Variants in CBFA2T3 observed in about 807,000 individuals in gnomAD.
CBFA2T3 encodes transcriptional corepressor CBFA2T3.
Under a neutral mutation model 58.6 loss-of-function variants are expected in CBFA2T3, and 31 were observed. The observed-to-expected ratio is 0.53, with a 90% CI of 0.40 to 0.71. CBFA2T3 has a LOEUF of 0.71. Among genes scored for constraint, CBFA2T3 ranks in the 30% least tolerant of loss-of-function variants. The pLI, the probability that CBFA2T3 is intolerant of heterozygous loss-of-function variation, is 0.00. For synonymous variants in CBFA2T3, 531 were observed against 421.9 expected (o/e 1.26, Z -3.17); for missense variants, 1,076 against 963.1 (o/e 1.12, Z -1.55).
Position 88,885,409 on chromosome 16 carries a change from C to G in CBFA2T3, c.894-140G>C, listed in dbSNP as rs1287781308. 3.5e-6 allele frequency: 2 copies of G among 571,268 alleles called. No homozygotes were observed. The highest frequency in any genetic ancestry group is 5.7e-6 in the Non-Finnish European group (2 of 349,470). The allele number at this position is 571,268 out of a possible 1,614,324, so 35.4% of individuals were successfully genotyped here. A position where few individuals can be genotyped will look rare whatever the true frequency, so the allele number is the denominator to read the frequency against. Reference sequence around the variant, plus strand: ...GGCGAGACAGAAACACGGAGCAAAACACCAGCCCCGGGAAGCCCAGCCCGG... The same window carrying G: ...GGCGAGACAGAAACACGGAGCAAAAGACCAGCCCCGGGAAGCCCAGCCCGG... On this transcript the variant is annotated intron_variant, in intron 6 of 11. Coordinates refer to ENST00000268679, the MANE Select transcript of CBFA2T3 (RefSeq NM_005187.6). This position sits in a 1 kb window ranked among gnomAD's most constrained non-coding sequence, Gnocchi z 5.3.
intron 4 of CBFA2T3, 107 bp downstream of exon 4, chr16:88,892,137 C>T: frequency 6.9e-7 from 1 of 1,456,048 alleles, no homozygotes; most frequent in Admixed American, 1.8e-5. Context: ...CGGGTCCACG[C>T]CCGGTTGTCA....
At position 88,875,690 on chromosome 16, in the gene CBFA2T3, A is replaced by G; in HGVS notation, c.*1286T>C. 4.3e-6 allele frequency: 1 copy of G among 233,610 alleles called. No homozygotes were observed. Among genetic ancestry groups the G allele is most frequent in the East Asian group, 6.0e-5 (1 of 16,592 alleles). The allele number at this position is 233,610 out of a possible 1,614,324, so 14.5% of individuals were successfully genotyped here. On this transcript the variant is annotated 3_prime_UTR_variant, in exon 12 of 12. Transcript: ENST00000268679. Reference sequence around the variant, plus strand: ...GTAGAGGAGGACGGGCTGGCCGAGAAGCAGTGTTTCAGGGAGGCCTGCTGG... The same window carrying G: ...GTAGAGGAGGACGGGCTGGCCGAGAGGCAGTGTTTCAGGGAGGCCTGCTGG...
intron 5 of CBFA2T3, among the ~76,000 whole-genome samples, chr16:88,889,498 A>T (rs11641997): frequency 2.6e-5 from 4 of 151,672 alleles, no homozygotes; most frequent in Admixed American, 6.6e-5. Context: ...TGACCCTGTA[A>T]GTGCCCTGGG....
intron 1 of CBFA2T3, among the ~76,000 whole-genome samples, chr16:88,952,497 A>G (rs1225621385): frequency 6.6e-6 from 1 of 151,956 alleles, no homozygotes; most frequent in Non-Finnish European, 1.5e-5. Context: ...CCCACGGGGC[A>G]CCGAGACGGC....
rs182574906 is a variant in CBFA2T3 at position 88,916,677 on chromosome 16, C to T, written c.152-15021G>A. ...GGTGGGGAAGGGGGATGGGGGGCTC[C>T]TTTGCCTTCCCTCCTTGCCTCCCAG... On this transcript the variant is annotated intron_variant, in intron 1 of 11. Coordinates refer to ENST00000268679, the MANE Select transcript of CBFA2T3 (RefSeq NM_005187.6). Among the ~76,000 whole-genome samples, 716 of 152,102 alleles carry T rather than the reference C, an allele frequency of 4.7e-3. 6 individuals carry two copies. Among genetic ancestry groups the T allele is most frequent in the African/African-American group, 0.017 (686 of 41,418 alleles).
At chr16:88,898,270 G>A in intron 2 of CBFA2T3, 118 bp from the exon 3 acceptor site, 1 of 783,896 alleles carries the variant, frequency 1.3e-6, no homozygotes, top group Non-Finnish European at 2.1e-6. Context: ...GTGGGGGCGT[G>A]GGCAGGAGAC....
chr16:88,882,893 G>T, intron 7 of CBFA2T3, 132 bp from the exon 8 acceptor site: 1 of 683,232 alleles, frequency 1.5e-6, no homozygotes, highest in Non-Finnish European at 2.6e-6. Context: ...CAGGGTAACC[G>T]AAGGGCTGGT....
At chr16:88,969,078 C>T (rs1338899621) in intron 1 of CBFA2T3, among the ~76,000 whole-genome samples, 4 of 152,204 alleles carry the variant, frequency 2.6e-5, no homozygotes, top group Admixed American at 6.5e-5. Context: ...CCCATCCTCT[C>T]GTGAGCAGTC....
chr16:88,945,623 A>G (rs1161259855), intron 1 of CBFA2T3, among the ~76,000 whole-genome samples: 1 of 152,232 alleles, frequency 6.6e-6, no homozygotes, highest in Non-Finnish European at 1.5e-5. Context: ...ACGAGAGGCC[A>G]CGACACGCCT....
chr16:88,898,490 T>A (rs1969976031), intron 2 of CBFA2T3, among the ~76,000 whole-genome samples: 1 of 152,272 alleles, frequency 6.6e-6, no homozygotes, highest in East Asian at 1.9e-4. Context: ...GAGTGGGTGA[T>A]CCCTAAGGGC....
At chr16:88,924,230 C>G (rs772126154) in intron 1 of CBFA2T3, among the ~76,000 whole-genome samples, 1 of 152,182 alleles carries the variant, frequency 6.6e-6, no homozygotes, top group Non-Finnish European at 1.5e-5. Context: ...AAGATCTGCC[C>G]TCTCTGGGCC....
chr16:88,880,741 C>G lies in CBFA2T3; in HGVS notation c.1450G>C (p.Glu484Gln). Residue 484 changes from glutamate (E) to glutamine (Q), a missense_variant, in exon 10 of 12, where the codon GAG becomes CAG. Transcript: ENST00000268679. ...TCACCAGCCTTCCTCCAGATGTCCT[C>G]AGGCACGTAGCCGGTGAGGGTCCTC... ...LPRTLTGYVP[E>Q]DIWRKAEEAV... 6.3e-7 allele frequency: 1 copy of G among 1,575,090 alleles called. No homozygotes were observed. Among genetic ancestry groups the G allele is most frequent in the South Asian group, 1.2e-5 (1 of 86,082 alleles).
chr16:88,963,178 G>C (rs1400607783), intron 1 of CBFA2T3, among the ~76,000 whole-genome samples: 1 of 152,054 alleles, frequency 6.6e-6, no homozygotes, highest in Non-Finnish European at 1.5e-5. Context: ...AGAGAAGGTG[G>C]GGGCTTGGAC....
Position 88,881,429 on chromosome 16 carries a change from T to C in CBFA2T3, c.1264A>G (p.Arg422Gly), listed in dbSNP as rs1321817403. 5 of 1,609,528 alleles carry C rather than the reference T, an allele frequency of 3.1e-6. No individual in the cohort carries two copies. Among genetic ancestry groups the C allele is most frequent in the East Asian group, 2.2e-5 (1 of 44,836 alleles). ...TCCTCGCGGTCGGCCTCCTGGCACCTGCGCAGCACCGTGAGCGAGCGCCGC... is the reference window on the plus strand; with the variant it reads ...TCCTCGCGGTCGGCCTCCTGGCACCCGCGCAGCACCGTGAGCGAGCGCCGC... ...KTRRSLTVLR[R>G]CQEADREELN... Residue 422 changes from arginine to glycine, a missense_variant, in exon 9 of 12, where the codon AGG (arginine) becomes GGG (glycine). Physicochemically the swap from Arg to Gly is moderately radical, Grantham distance 125 (BLOSUM62 -2). Coordinates refer to ENST00000268679, the MANE Select transcript of CBFA2T3 (RefSeq NM_005187.6).
chr16:88,960,006 G>C (rs940303044), intron 1 of CBFA2T3, among the ~76,000 whole-genome samples: 5 of 152,086 alleles, frequency 3.3e-5, no homozygotes, highest in African/African-American at 7.3e-5. Flanking sequence ...TCCAGCCTGG[G>C]TGACAGAGCC....
chr16:88,902,991 A>G (rs7204614), intron 1 of CBFA2T3, among the ~76,000 whole-genome samples: 7,430 of 151,614 alleles, frequency 0.049, 276 homozygotes, highest in African/African-American at 0.1. Context: ...GTTAACACCT[A>G]TGGGTCTCAC....
intron 1 of CBFA2T3, among the ~76,000 whole-genome samples, chr16:88,914,757 TG>T (rs776741401): frequency 6.6e-6 from 1 of 152,186 alleles, no homozygotes; most frequent in Admixed American, 6.5e-5. Flanking sequence ...CTGGAAAGGC[TG>T]GGGGAGAGTG....
intron 1 of CBFA2T3, among the ~76,000 whole-genome samples, chr16:88,902,115 T>A (rs937758798): frequency 2.6e-5 from 4 of 152,162 alleles, no homozygotes; most frequent in African/African-American, 7.2e-5. Context: ...TGTTCCCAGG[T>A]GGCGCTGCTG....
At chr16:88,969,615 C>A (rs1465810687) in intron 1 of CBFA2T3, among the ~76,000 whole-genome samples, 2 of 152,370 alleles carry the variant, frequency 1.3e-5, no homozygotes, top group South Asian at 4.1e-4. Flanking sequence ...CTGCCCCTCA[C>A]AGACCAGGGA....
Sources: gnomAD v4.1 joint callset for allele counts (sites outside exome capture counted in the v4.1 genomes callset) on GRCh38, gnomAD v4.1.1 for gene constraint, Gnocchi (gnomAD v3.1) non-coding constraint, MANE v1.5 for transcripts, NCBI Gene and HGNC (gene_info 2026-07-23, HGNC 2026-07-21) for gene names.